Variants in ELMO1 observed in about 807,000 individuals in gnomAD.
ELMO1 encodes the protein engulfment and cell motility 1.
Under a neutral mutation model 98.9 loss-of-function variants are expected in ELMO1, and 26 were observed. That is an observed-to-expected ratio of 0.26 (90% CI 0.19 to 0.36). The LOEUF (loss-of-function observed/expected upper bound fraction) is 0.36. Among genes scored for constraint, ELMO1 ranks in the 10% least tolerant of loss-of-function variants. ELMO1 has a pLI of 1.00. For missense variants in ELMO1, 627 were observed against 935.2 expected, an observed-to-expected ratio of 0.67 and a Z score of 4.30; for synonymous variants, 346 against 346.0, an observed-to-expected ratio of 1.00 and a Z score of 0.00.
intron 16 of ELMO1, among the ~76,000 whole-genome samples, chr7:37,001,532 T>C (rs897223095): frequency 1.3e-5 from 2 of 152,332 alleles, no homozygotes; most frequent in East Asian, 3.9e-4. Flanking sequence ...ACAACTGCTA[T>C]AGAACTAGAA....
At chr7:36,980,510 T>C (rs767523001) in intron 16 of ELMO1, among the ~76,000 whole-genome samples, 5 of 152,162 alleles carry the variant, frequency 3.3e-5, no homozygotes, top group Non-Finnish European at 7.4e-5. Flanking sequence ...AGCACAAAGG[T>C]TAAATAACTT....
chr7:37,188,501 A>AAATAATAATAAT lies in ELMO1; in HGVS notation c.1086+22873_1086+22884dup, dbSNP rs57721398. Among the ~76,000 whole-genome samples, 23 of 125,942 alleles carry AAATAATAATAAT rather than the reference A, an allele frequency of 1.8e-4. No homozygotes were observed. In the East Asian group the frequency reaches 2.4e-3, roughly 13 times the overall value. 82.6% of individuals were successfully genotyped at this position (125,942 alleles called of 152,430 possible). A position where few individuals can be genotyped will look rare whatever the true frequency, so the allele number is the denominator to read the frequency against. Reference sequence around the variant, plus strand: ...CTGGAGAAAGGTAAAAAAAAAAAAAAAATAATAATAATAATAATAATAATA... The same window carrying AAATAATAATAAT: ...CTGGAGAAAGGTAAAAAAAAAAAAAAAATAATAATAATAATAATAATAATAATAATAATAATA... On this transcript the variant is annotated intron_variant, in intron 13 of 21. Transcript: ENST00000310758.
At chr7:37,433,690 C>T (rs1030030529) in intron 1 of ELMO1, among the ~76,000 whole-genome samples, 5 of 152,146 alleles carry the variant, frequency 3.3e-5, no homozygotes, top group Non-Finnish European at 5.9e-5. Context: ...TACTTGAACA[C>T]GGGCCCCAGG....
intron 13 of ELMO1, among the ~76,000 whole-genome samples, chr7:37,133,984 G>A (rs868118020): frequency 6.6e-6 from 1 of 152,112 alleles, no homozygotes; most frequent in Non-Finnish European, 1.5e-5. Flanking sequence ...TTCAAAAGAA[G>A]ACATACAAAT....
intron 1 of ELMO1, among the ~76,000 whole-genome samples, chr7:37,374,994 G>T (rs1802275742): frequency 6.6e-6 from 1 of 152,146 alleles, no homozygotes; most frequent in African/African-American, 2.4e-5. Context: ...AGGAGGTGGA[G>T]GTTGCGGTGG....
At chr7:37,266,279 A>T (rs904958576) in intron 5 of ELMO1, among the ~76,000 whole-genome samples, 3 of 152,196 alleles carry the variant, frequency 2.0e-5, no homozygotes, top group Admixed American at 6.5e-5. Context: ...AAAAAAAATT[A>T]ATGGGCTTAT....
Position 37,071,090 on chromosome 7 carries a change from A to T in ELMO1, c.1300+25529T>A, listed in dbSNP as rs561363542. Among the ~76,000 whole-genome samples the T allele has an allele frequency of 8.5e-4, 129 of 152,354 alleles. 1 individual carries two copies. Among genetic ancestry groups the T allele is most frequent in the African/African-American group, 3.0e-3 (123 of 41,584 alleles). ...TCCTGATTTTGATGGTGGTTACATG[A>T]TGGTATACAATTACCAAAACTAAAG... On this transcript the variant is annotated intron_variant, in intron 15 of 21. Coordinates refer to ENST00000310758, the MANE Select transcript of ELMO1 (RefSeq NM_014800.11).
At chr7:36,986,881 A>G (rs967551480) in intron 16 of ELMO1, among the ~76,000 whole-genome samples, 5 of 152,142 alleles carry the variant, frequency 3.3e-5, no homozygotes, top group Non-Finnish European at 7.4e-5. Context: ...CCCAGGATGT[A>G]AACAAACATA....
At position 37,410,269 on chromosome 7, in the gene ELMO1, C is replaced by T. The variant is rs1016320504; in HGVS notation, c.-74+38406G>A. ...ACATAGAAAGCTCCCTAAAGTTTTG[C>T]TAAATTAGATGTGTCTTCTCTCCTC... On this transcript the variant is annotated intron_variant, in intron 1 of 21. Coordinates refer to ENST00000310758, the MANE Select transcript of ELMO1 (RefSeq NM_014800.11). 2.0e-5 allele frequency among the ~76,000 whole-genome samples: 3 copies of T among 152,228 alleles called. No homozygotes were observed. The East Asian group carries it at 5.8e-4, about 29-fold the overall frequency.
At chr7:37,000,317 C>T (rs1792560557) in intron 16 of ELMO1, among the ~76,000 whole-genome samples, 1 of 152,188 alleles carries the variant, frequency 6.6e-6, no homozygotes, top group Non-Finnish European at 1.5e-5. Context: ...GCATTATATG[C>T]CAATGACATT....
intron 14 of ELMO1, among the ~76,000 whole-genome samples, chr7:37,100,480 C>T (rs1443406091): frequency 2.6e-5 from 4 of 152,154 alleles, no homozygotes; most frequent in African/African-American, 9.7e-5. Context: ...AAATATGAAT[C>T]CCTTCTCTGG....
At chr7:37,138,896 C>T (rs1410213611) in intron 13 of ELMO1, among the ~76,000 whole-genome samples, 1 of 152,126 alleles carries the variant, frequency 6.6e-6, no homozygotes, top group East Asian at 1.9e-4. Context: ...GGGTTTCATA[C>T]CAGGGATGCT....
intron 16 of ELMO1, among the ~76,000 whole-genome samples, chr7:36,978,726 T>C (rs1254303961): frequency 6.6e-6 from 1 of 152,208 alleles, no homozygotes; most frequent in Non-Finnish European, 1.5e-5. Context: ...ACAATATCAT[T>C]TGATGTTGAC....
intron 1 of ELMO1, among the ~76,000 whole-genome samples, chr7:37,363,362 C>T (rs931772142): frequency 2.6e-5 from 4 of 152,162 alleles, no homozygotes; most frequent in African/African-American, 9.7e-5. Context: ...CAAACACCTC[C>T]TCTGTTTAAA....
chr7:37,294,189 C>A (rs936300949), intron 4 of ELMO1, among the ~76,000 whole-genome samples: 1 of 152,114 alleles, frequency 6.6e-6, no homozygotes, highest in African/African-American at 2.4e-5. Context: ...TTGCACATAA[C>A]CCACTTTTCT....
chr7:36,939,994 C>A (rs1267249832), intron 16 of ELMO1, among the ~76,000 whole-genome samples: 1 of 152,186 alleles, frequency 6.6e-6, no homozygotes, highest in Non-Finnish European at 1.5e-5. Flanking sequence ...GTTTTATTGC[C>A]TGACTCCACA....
chr7:37,292,934 G>A (rs1271510993), intron 4 of ELMO1, among the ~76,000 whole-genome samples: 6 of 47,444 alleles, frequency 1.3e-4, no homozygotes, highest in African/African-American at 3.0e-4. Context: ...TCAGTCCCCC[G>A]CCTGGCCAGC....
intron 1 of ELMO1, among the ~76,000 whole-genome samples, chr7:37,345,528 G>GGT (rs1800956020): frequency 1.3e-5 from 2 of 152,048 alleles, no homozygotes; most frequent in Non-Finnish European, 2.9e-5. Context: ...TGGCCAACAT[G>GGT]GTGAAACCTC....
intron 15 of ELMO1, among the ~76,000 whole-genome samples, chr7:37,065,971 A>T (rs1462709336): frequency 6.6e-6 from 1 of 152,178 alleles, no homozygotes; most frequent in African/African-American, 2.4e-5. Flanking sequence ...AGCTGCCCTC[A>T]TACTGTTCTC....
Sources: allele counts gnomAD v4.1 joint callset (sites outside exome capture counted in the v4.1 genomes callset), GRCh38; gene constraint gnomAD v4.1.1; transcripts MANE v1.5; gene names NCBI Gene and HGNC (gene_info 2026-07-23, HGNC 2026-07-21).